The following CCN4 variants were observed in gnomAD, a reference collection of about 807,000 sequenced individuals.
CCN4 encodes the protein CCN family member 4.
A neutral mutation model predicts 36.7 loss-of-function variants in CCN4; 30 were observed. That is an observed-to-expected ratio of 0.82 (90% CI 0.61 to 1.11). The LOEUF (loss-of-function observed/expected upper bound fraction) is 1.11, where lower values mean the gene tolerates loss of function less well. Among genes scored for constraint, CCN4 ranks in the 50% least tolerant of loss-of-function variants. The pLI is 0.00. For missense variants in CCN4, 505 were observed against 504.9 expected, an observed-to-expected ratio of 1.00 and a Z score of 0.00; for synonymous variants, 191 against 195.4, an observed-to-expected ratio of 0.98 and a Z score of 0.19.
rs1854904724 is a variant in CCN4, at chr8:133,230,187, T to C, written c.*2477T>C. ...GGTTTTGAGAAACGGAACTATCTTA[T>C]GCAGAGCCCGGAGGGCAAGTCTCAG... is the stretch of plus-strand genomic sequence containing the variant. On this transcript the variant is annotated 3_prime_UTR_variant, in exon 5 of 5. Coordinates refer to ENST00000250160, the MANE Select transcript of CCN4 (RefSeq NM_003882.4). The C allele has an allele frequency of 6.6e-6, 1 of 152,260 alleles. No individual in the cohort carries two copies. The highest frequency in any genetic ancestry group is 2.1e-4 in the South Asian group (1 of 4,832). The allele number at this position is 152,260 out of a possible 1,614,324, so 9.4% of individuals were successfully genotyped here.
At chr8:133,199,352 C>T (rs1853503048) in intron 1 of CCN4, among the ~76,000 whole-genome samples, 1 of 152,170 alleles carries the variant, frequency 6.6e-6, no homozygotes, top group African/African-American at 2.4e-5. Context: ...AGCACACAGC[C>T]TGGGTCAAGA....
At chr8:133,197,050 G>C (rs577499215) in intron 1 of CCN4, among the ~76,000 whole-genome samples, 1 of 152,206 alleles carries the variant, frequency 6.6e-6, no homozygotes, top group South Asian at 2.1e-4. Context: ...GAACACTTTT[G>C]GGTTATTGTG....
chr8:133,205,085 T>C (rs563424259), intron 1 of CCN4, among the ~76,000 whole-genome samples: 2 of 151,990 alleles, frequency 1.3e-5, no homozygotes, highest in South Asian at 4.2e-4. Context: ...GAGGGAGGGG[T>C]ATGGCAGGAG....
At position 133,212,865 on chromosome 8, in the gene CCN4, C is replaced by A; in HGVS notation, c.71C>A (p.Ala24Asp). 6.4e-7 allele frequency: 1 copy of A among 1,574,676 alleles called. No homozygotes were observed. Among genetic ancestry groups the A allele is most frequent in the Non-Finnish European group, 8.7e-7 (1 of 1,152,182 alleles). The part of the protein sequence containing the change: ...AAAASTVLAT[A>D]LSPAPTTMDF... The stretch of plus-strand genomic sequence containing the variant: ...TTTCCCTCTGCCCTCCCCCCGCAGG[C>A]CCTCTCTCCAGCCCCTACGACCATG... The change falls in exon 2 of 5, where the codon GCC becomes GAC. Residue 24 changes from alanine (A) to aspartate (D), a missense_variant and splice_region_variant. Coordinates refer to ENST00000250160, the MANE Select transcript of CCN4 (RefSeq NM_003882.4).
intron 1 of CCN4, among the ~76,000 whole-genome samples, chr8:133,192,835 G>A (rs1396247409): frequency 3.3e-5 from 5 of 152,238 alleles, no homozygotes; most frequent in Non-Finnish European, 7.3e-5. Context: ...AGCCGGTGCT[G>A]AGGAGGAGTG....
At chr8:133,218,594 A>G (rs1854411702) in intron 2 of CCN4, among the ~76,000 whole-genome samples, 1 of 152,224 alleles carries the variant, frequency 6.6e-6, no homozygotes, top group African/African-American at 2.4e-5. Context: ...GCTAGACATT[A>G]GGATTACTGC....
intron 1 of CCN4, among the ~76,000 whole-genome samples, chr8:133,194,135 T>C (rs1281221096): frequency 1.3e-5 from 2 of 152,152 alleles, no homozygotes; most frequent in Non-Finnish European, 2.9e-5. Flanking sequence ...ATTAGGCCTG[T>C]GGTGGTCTAT....
At chr8:133,194,669 ATGTGGTGTGTG>A (rs556920852) in intron 1 of CCN4, among the ~76,000 whole-genome samples, 112 of 17,344 alleles carry the variant, frequency 6.5e-3, no homozygotes, top group Non-Finnish European at 7.4e-3. Context: ...GTGGTGGGGG[ATGTGGTGTGTG>A]TGTGGTGTGT....
intron 2 of CCN4, among the ~76,000 whole-genome samples, chr8:133,217,939 C>CACACACACACGCACACACACAT (rs1054929809): frequency 2.0e-5 from 3 of 151,062 alleles, no homozygotes; most frequent in Admixed American, 1.3e-4. Context: ...CCCTTCTCCA[C>CACACACACACGCACACACACAT]ACACACACAC....
rs990541355 is a variant in CCN4 at position 133,230,749 on chromosome 8, C to A, written c.*3039C>A. The A allele has an allele frequency of 6.6e-6, 1 of 152,224 alleles. No individual in the cohort carries two copies. The highest frequency in any genetic ancestry group is 2.4e-5 in the African/African-American group (1 of 41,448). The allele number at this position is 152,224 out of a possible 1,614,324, so 9.4% of individuals were successfully genotyped here. ...TTAGGTGTGCAAAAGGGAAGGAGAC[C>A]TGAATTCACCAAGTTAAATCTTGCT... On this transcript the variant is annotated 3_prime_UTR_variant, in exon 5 of 5. Coordinates refer to ENST00000250160, the MANE Select transcript of CCN4 (RefSeq NM_003882.4).
rs974927992 is a variant in CCN4, at chr8:133,209,953, C to T, written c.70-2911C>T. 1.2e-4 allele frequency among the ~76,000 whole-genome samples: 18 copies of T among 152,254 alleles called. 1 individual carries two copies. The highest frequency in any genetic ancestry group is 2.4e-4 in the Non-Finnish European group (16 of 68,014). On this transcript the variant is annotated intron_variant, in intron 1 of 4. Coordinates refer to ENST00000250160, the MANE Select transcript of CCN4 (RefSeq NM_003882.4). ...ATGAAGATGCTGTTCCAAGGCCACA[C>T]GGAAAGAACGTACGTCGGACTGTCT...
At position 133,192,739 on chromosome 8, in the gene CCN4, G is replaced by A. The variant is rs145819092; in HGVS notation, c.69+1526G>A. On this transcript the variant is annotated intron_variant, in intron 1 of 4. Coordinates refer to ENST00000250160, the MANE Select transcript of CCN4 (RefSeq NM_003882.4). Reference sequence around the variant, plus strand: ...GGATGGAGAAAAGGTGAGCGTTTGAGAGAAGCCAAAGTCTGAGTGGGCAGA... The same window carrying A: ...GGATGGAGAAAAGGTGAGCGTTTGAAAGAAGCCAAAGTCTGAGTGGGCAGA... Among the ~76,000 whole-genome samples the A allele has an allele frequency of 4.9e-3, 743 of 152,336 alleles. 1 individual carries two copies. The highest frequency in any genetic ancestry group is 7.2e-3 in the Non-Finnish European group (492 of 68,036).
chr8:133,193,113 C>T (rs1192736245), intron 1 of CCN4, among the ~76,000 whole-genome samples: 3 of 152,316 alleles, frequency 2.0e-5, no homozygotes, highest in South Asian at 2.1e-4. Context: ...CTGATAGAAA[C>T]GAGCTGGACT....
intron 3 of CCN4, among the ~76,000 whole-genome samples, chr8:133,222,987 C>T (rs1854589002): frequency 1.3e-5 from 2 of 151,982 alleles, no homozygotes; most frequent in African/African-American, 4.8e-5. Flanking sequence ...AATCCCTGGC[C>T]TCTACCCACT....
At chr8:133,207,416 G>T (rs1367635342) in intron 1 of CCN4, among the ~76,000 whole-genome samples, 1 of 152,194 alleles carries the variant, frequency 6.6e-6, no homozygotes, top group Non-Finnish European at 1.5e-5. Flanking sequence ...TGAGCTCCCA[G>T]CCCCCATGAA....
intron 1 of CCN4, among the ~76,000 whole-genome samples, chr8:133,197,898 A>AT (rs1853447293): frequency 6.6e-6 from 1 of 152,098 alleles, no homozygotes; most frequent in Non-Finnish European, 1.5e-5. Flanking sequence ...CTGGGAGGGG[A>AT]TGAAGGCGGG....
chr8:133,213,038 C>T lies in CCN4; in HGVS notation c.244C>T (p.Gln82Ter), dbSNP rs1417990718. 3 of 1,614,186 alleles carry T rather than the reference C, an allele frequency of 1.9e-6. No homozygotes were observed. Among genetic ancestry groups the T allele is most frequent in the Admixed American group, 1.7e-5 (1 of 60,032 alleles). ...GCECCKMCAQ[Q>*]LGDNCTEAAI... ...TGAGTGCTGTAAGATGTGCGCTCAG[C>T]AGCTTGGGGACAACTGCACGGAGGC... Residue 82 changes from glutamine to a stop codon, truncating the protein, a stop_gained, in exon 2 of 5, where the codon CAG becomes TAG. Coordinates refer to ENST00000250160, the MANE Select transcript of CCN4 (RefSeq NM_003882.4). LOFTEE classifies it high-confidence loss of function.
intron 1 of CCN4, among the ~76,000 whole-genome samples, chr8:133,197,625 G>A (rs1472430381): frequency 6.6e-6 from 1 of 152,088 alleles, no homozygotes; most frequent in African/African-American, 2.4e-5. Context: ...AGACTGCCTC[G>A]CAAATGTGAA....
At position 133,229,539 on chromosome 8, in the gene CCN4, T is replaced by C. The variant is rs1854877573; in HGVS notation, c.*1829T>C. ...TGTTTACCCAATGCTGCATATTGAA[T>C]GTTGTGTAGTTATTCACAGGGAATT... On this transcript the variant is annotated 3_prime_UTR_variant, in exon 5 of 5. Coordinates refer to ENST00000250160, the MANE Select transcript of CCN4 (RefSeq NM_003882.4). The C allele has an allele frequency of 6.6e-6, 1 of 152,244 alleles. No individual in the cohort carries two copies. Among genetic ancestry groups the C allele is most frequent in the South Asian group, 2.1e-4 (1 of 4,838 alleles). 9.4% of individuals were successfully genotyped at this position (152,244 alleles called of 1,614,324 possible).
Sources: allele counts gnomAD v4.1 joint callset (sites outside exome capture counted in the v4.1 genomes callset), GRCh38; gene constraint gnomAD v4.1.1; transcripts MANE v1.5; gene names NCBI Gene and HGNC (gene_info 2026-07-23, HGNC 2026-07-21).